The following SRGAP1 variants were observed in gnomAD, a reference collection of about 807,000 sequenced individuals.
SRGAP1 encodes the protein SLIT-ROBO Rho GTPase activating protein 1, also known as SLIT-ROBO Rho GTPase-activating protein 1.
A neutral mutation model predicts 121.9 loss-of-function variants in SRGAP1; 43 were observed. That is an observed-to-expected ratio of 0.35 (90% CI 0.28 to 0.46). The LOEUF (loss-of-function observed/expected upper bound fraction) is 0.46. Among genes scored for constraint, SRGAP1 ranks in the 20% least tolerant of loss-of-function variants. SRGAP1 has a pLI of 1.00. For missense variants in SRGAP1, 1,102 were observed against 1,350.9 expected, an observed-to-expected ratio of 0.82 and a Z score of 2.89; for synonymous variants, 447 against 485.4, an observed-to-expected ratio of 0.92 and a Z score of 1.04.
In SRGAP1 at chr12:63,919,503, T is replaced by C. The variant is rs890018145; in HGVS notation, c.68-64444T>C. 2.3e-3 allele frequency among the ~76,000 whole-genome samples: 339 copies of C among 145,524 alleles called. 3 individuals carry two copies. Among genetic ancestry groups the C allele is most frequent in the Non-Finnish European group, 3.3e-3 (218 of 66,838 alleles). On this transcript the variant is annotated intron_variant, in intron 1 of 21. Transcript: ENST00000355086. Reference sequence around the variant, plus strand: ...AATTGTTTTAACTTAACATTACATATATATATATATATATATATACACATA... The same window carrying C: ...AATTGTTTTAACTTAACATTACATACATATATATATATATATATACACATA...
intron 18 of SRGAP1, among the ~76,000 whole-genome samples, chr12:64,118,343 C>T (rs1050806398): frequency 1.3e-5 from 2 of 152,112 alleles, no homozygotes; most frequent in Admixed American, 6.5e-5. Flanking sequence ...GATCTTGGCT[C>T]ACTGCAGCCT....
chr12:64,044,725 A>G (rs1219659392), intron 6 of SRGAP1, among the ~76,000 whole-genome samples: 1 of 124,554 alleles, frequency 8.0e-6, no homozygotes, highest in Non-Finnish European at 1.6e-5. Context: ...TCTGTCACCC[A>G]GGCTTTAGTG....
At chr12:64,141,077 T>A (rs36137781) in intron 21 of SRGAP1, among the ~76,000 whole-genome samples, 4 of 135,164 alleles carry the variant, frequency 3.0e-5, no homozygotes, top group Admixed American at 2.9e-4. Flanking sequence ...AACAATGAGA[T>A]CACATGGACA....
chr12:63,911,065 C>T (rs375613661), intron 1 of SRGAP1, among the ~76,000 whole-genome samples: 9 of 151,912 alleles, frequency 5.9e-5, no homozygotes, highest in African/African-American at 9.7e-5. Context: ...TTTGGGAGGC[C>T]GAGGCTGGTG....
At position 64,152,991 on chromosome 12, in the gene SRGAP1, G is replaced by A. The variant is rs1433149081; in HGVS notation, c.*10319G>A. 1.3e-5 allele frequency: 2 copies of A among 150,136 alleles called. No homozygotes were observed. Among genetic ancestry groups the A allele is most frequent in the East Asian group, 3.9e-4 (2 of 5,128 alleles). The allele number at this position is 150,136 out of a possible 1,614,324, so 9.3% of individuals were successfully genotyped here. A position where few individuals can be genotyped will look rare whatever the true frequency, so the allele number is the denominator to read the frequency against. On this transcript the variant is annotated 3_prime_UTR_variant, in exon 22 of 22. Coordinates refer to ENST00000355086, the MANE Select transcript of SRGAP1 (RefSeq NM_020762.4). ...AAAATAATTTCAGGTGTTGATAACTGCTACAAAAAGCAAAAGTGAAATAAA... is the reference window on the plus strand; with the variant it reads ...AAAATAATTTCAGGTGTTGATAACTACTACAAAAAGCAAAAGTGAAATAAA...
chr12:64,033,585 G>A (rs1318763683), intron 4 of SRGAP1, among the ~76,000 whole-genome samples: 1 of 152,138 alleles, frequency 6.6e-6, no homozygotes, highest in African/African-American at 2.4e-5. Context: ...CAGCATGGTG[G>A]CGAATGCCTG....
intron 21 of SRGAP1, among the ~76,000 whole-genome samples, chr12:64,138,609 C>T (rs1398837331): frequency 1.3e-5 from 2 of 151,068 alleles, no homozygotes; most frequent in East Asian, 1.9e-4. Context: ...TGTGCCACCA[C>T]GCCTGGCTAT....
intron 6 of SRGAP1, among the ~76,000 whole-genome samples, chr12:64,048,162 A>G (rs946647510): frequency 6.6e-6 from 1 of 152,042 alleles, no homozygotes. Context: ...CCACTTCCCA[A>G]TCACCCCCAC....
At chr12:63,949,178 CATATATATTTTTTTTTCCAT>C (rs2032190832) in intron 1 of SRGAP1, among the ~76,000 whole-genome samples, 1 of 83,034 alleles carries the variant, frequency 1.2e-5, no homozygotes, top group African/African-American at 5.4e-5. Context: ...ATATTTTTTC[CATATATATTTTTTTTTCCAT>C]ATATATATAT....
At position 64,156,305 on chromosome 12, in the gene SRGAP1, G is replaced by A. The variant is rs544072167; in HGVS notation, c.*13633G>A. On this transcript the variant is annotated 3_prime_UTR_variant, in exon 22 of 22. Coordinates refer to ENST00000355086, the MANE Select transcript of SRGAP1 (RefSeq NM_020762.4). ...TAGACTCATTTGCAGGAAGAACAAT[G>A]TCAGGTGGAGAGAAGGAATTGAATG... is the stretch of plus-strand genomic sequence containing the variant. 7 of 152,324 alleles carry A rather than the reference G, an allele frequency of 4.6e-5. No homozygotes were observed. The highest frequency in any genetic ancestry group is 4.6e-4 in the Admixed American group (7 of 15,302). 9.4% of individuals were successfully genotyped at this position (152,324 alleles called of 1,614,324 possible).
chr12:63,930,607 G>T (rs1241783587), intron 1 of SRGAP1, among the ~76,000 whole-genome samples: 1 of 152,076 alleles, frequency 6.6e-6, no homozygotes, highest in Non-Finnish European at 1.5e-5. Flanking sequence ...GGAAGCATAA[G>T]TATCTTTGAT....
At chr12:64,038,667 A>C (rs571565384) in intron 4 of SRGAP1, 2 of 152,350 alleles carry the variant, frequency 1.3e-5, no homozygotes. Flanking sequence ...ACTTCTGTGC[A>C]AGTTATCATA....
chr12:64,123,080 T>G (rs2036628425), intron 18 of SRGAP1, among the ~76,000 whole-genome samples: 1 of 152,260 alleles, frequency 6.6e-6, no homozygotes, highest in African/African-American at 2.4e-5. Flanking sequence ...AACATAAGTA[T>G]ATGTAGACTG....
rs1435027562 is a variant in SRGAP1, at chr12:63,917,092, A to C, written c.68-66855A>C. 3.3e-5 allele frequency among the ~76,000 whole-genome samples: 5 copies of C among 152,318 alleles called. No individual in the cohort carries two copies. The East Asian group carries it at 9.6e-4, about 29-fold the overall frequency. On this transcript the variant is annotated intron_variant, in intron 1 of 21. Transcript: ENST00000355086. ...CACTTGTGAGATTTAGTCATATTGC[A>C]AGCTTTATATCTACCCCATGGGATA...
intron 1 of SRGAP1, among the ~76,000 whole-genome samples, chr12:63,882,304 G>A (rs979813238): frequency 6.6e-6 from 1 of 151,726 alleles, no homozygotes; most frequent in Non-Finnish European, 1.5e-5. Context: ...TTTTTGAGAT[G>A]GAGTTTTGCT....
At chr12:64,079,624 T>C (rs2035800657) in intron 9 of SRGAP1, among the ~76,000 whole-genome samples, 2 of 151,990 alleles carry the variant, frequency 1.3e-5, no homozygotes, top group Admixed American at 1.3e-4. Context: ...AGGCAGAGGT[T>C]GCAGTGAGCT....
chr12:63,872,179 G>C (rs979530747), intron 1 of SRGAP1: 5 of 315,008 alleles, frequency 1.6e-5, no homozygotes, highest in Admixed American at 1.4e-4. Context: ...GAGAGCACCT[G>C]TTTGATTGTT....
chr12:63,852,706 G>A (rs1334389575), intron 1 of SRGAP1, among the ~76,000 whole-genome samples: 1 of 152,094 alleles, frequency 6.6e-6, no homozygotes, highest in Non-Finnish European at 1.5e-5. Context: ...CTTACCTGTG[G>A]GTGAAAAAGA....
intron 1 of SRGAP1, among the ~76,000 whole-genome samples, chr12:63,929,755 T>C (rs1415821125): frequency 6.6e-6 from 1 of 152,188 alleles, no homozygotes; most frequent in East Asian, 1.9e-4. Flanking sequence ...CTTTTTGTTT[T>C]AGAGTAAACT....
Sources: allele counts gnomAD v4.1 joint callset (sites outside exome capture counted in the v4.1 genomes callset), GRCh38; gene constraint gnomAD v4.1.1; transcripts MANE v1.5; gene names NCBI Gene and HGNC (gene_info 2026-07-23, HGNC 2026-07-21).